Variants in KCNJ15 observed in about 807,000 individuals in gnomAD.
KCNJ15 encodes potassium inwardly rectifying channel subfamily J member 15.
A neutral mutation model predicts 23.0 loss-of-function variants in KCNJ15; 14 were observed. The observed-to-expected ratio is 0.61, with a 90% CI of 0.40 to 0.95. The LOEUF is 0.95. KCNJ15 is among the 40% of genes least tolerant of loss of function. KCNJ15 has a pLI of 0.00. For missense variants in KCNJ15, 388 were observed against 461.8 expected, an observed-to-expected ratio of 0.84 and a Z score of 1.46; for synonymous variants, 185 against 183.2, an observed-to-expected ratio of 1.01 and a Z score of -0.08.
chr21:38,298,886 A>G (rs946517147), intron 2 of KCNJ15, among the ~76,000 whole-genome samples: 5 of 152,222 alleles, frequency 3.3e-5, no homozygotes, highest in Admixed American at 6.5e-5. Flanking sequence ...TTTGAAACAC[A>G]AGGCTCTGTT....
intron 1 of KCNJ15, among the ~76,000 whole-genome samples, chr21:38,245,767 A>T (rs1208491987): frequency 6.6e-6 from 1 of 152,204 alleles, no homozygotes; most frequent in Non-Finnish European, 1.5e-5. Flanking sequence ...AGGTGTTTAC[A>T]GCTGGAAATC....
intron 1 of KCNJ15, among the ~76,000 whole-genome samples, chr21:38,257,878 C>T (rs979332419): frequency 6.6e-6 from 1 of 152,140 alleles, no homozygotes; most frequent in East Asian, 1.9e-4. Flanking sequence ...TCTGTACTTC[C>T]GCATTTAGTC....
At chr21:38,261,426 T>C (rs575831674) in intron 1 of KCNJ15, among the ~76,000 whole-genome samples, 1 of 152,228 alleles carries the variant, frequency 6.6e-6, no homozygotes, top group African/African-American at 2.4e-5. Context: ...AAAGCCCTGA[T>C]ACTTGTCTCT....
intron 1 of KCNJ15, among the ~76,000 whole-genome samples, chr21:38,251,434 A>G (rs1452945255): frequency 6.6e-6 from 1 of 152,220 alleles, no homozygotes; most frequent in African/African-American, 2.4e-5. Flanking sequence ...TTCTGAAGCC[A>G]TGCTGCTGAT....
rs1362865584 is a variant in KCNJ15 at position 38,257,029 on chromosome 21, T to TG, written c.-273_-272insG. ...AATTCTTACTCAAACTTGTACCAAC[T>TG]TGTTTTTGACTGACAGTGAACAGTG... On this transcript the variant is annotated 5_prime_UTR_variant, in exon 1 of 3. Transcript: ENST00000398938. The TG allele has an allele frequency of 1.3e-5, 2 of 151,114 alleles. No individual in the cohort carries two copies. Among genetic ancestry groups the TG allele is most frequent in the Non-Finnish European group, 2.9e-5 (2 of 67,824 alleles). 9.4% of individuals were successfully genotyped at this position (151,114 alleles called of 1,614,324 possible).
intron 1 of KCNJ15, among the ~76,000 whole-genome samples, chr21:38,271,921 C>T (rs745773707): frequency 1.3e-5 from 2 of 152,172 alleles, no homozygotes; most frequent in African/African-American, 2.4e-5. Context: ...ATTTCTCCAC[C>T]GTTAGAGGCT....
At chr21:38,293,373 C>G (rs1214144556) in intron 1 of KCNJ15, among the ~76,000 whole-genome samples, 1 of 152,134 alleles carries the variant, frequency 6.6e-6, no homozygotes. Flanking sequence ...AGGGCCACAC[C>G]TGACACAAGG....
At chr21:38,276,289 G>A (rs1009893366) in intron 1 of KCNJ15, among the ~76,000 whole-genome samples, 2 of 152,104 alleles carry the variant, frequency 1.3e-5, no homozygotes, top group Non-Finnish European at 2.9e-5. Flanking sequence ...AATGAATGAT[G>A]TTTTGGTAAT....
chr21:38,289,552 G>A (rs1984360717), intron 1 of KCNJ15, among the ~76,000 whole-genome samples: 1 of 151,980 alleles, frequency 6.6e-6, no homozygotes, highest in African/African-American at 2.4e-5. Context: ...GGCCAACATG[G>A]TGAAACCCCA....
chr21:38,264,484 T>G (rs570687804), intron 1 of KCNJ15, among the ~76,000 whole-genome samples: 1 of 152,342 alleles, frequency 6.6e-6, no homozygotes, highest in Non-Finnish European at 1.5e-5. Context: ...ACAATGGAGA[T>G]TTTATGTAGT....
rs1457082422 is a variant in KCNJ15 at position 38,304,795 on chromosome 21, C to A, written c.*4406C>A. On this transcript the variant is annotated 3_prime_UTR_variant, in exon 3 of 3. Transcript: ENST00000398938. ...AGGTTCACGCCATTCTCTCCCTCAG[C>A]CTCCCGAGTAGCTGGGACTACAGGC... 4 of 146,874 alleles carry A rather than the reference C, an allele frequency of 2.7e-5. No individual in the cohort carries two copies. Among genetic ancestry groups the A allele is most frequent in the African/African-American group, 9.9e-5 (4 of 40,472 alleles). 9.1% of individuals were successfully genotyped at this position (146,874 alleles called of 1,614,324 possible). A position where few individuals can be genotyped will look rare whatever the true frequency, so the allele number is the denominator to read the frequency against.
In KCNJ15 at chr21:38,290,790, A is replaced by G. The variant is rs551459673; in HGVS notation, c.-116-6136A>G. Among the ~76,000 whole-genome samples the G allele has an allele frequency of 9.8e-5, 15 of 152,302 alleles. No individual in the cohort carries two copies. The South Asian group carries it at 2.9e-3, about 29-fold the overall frequency. On this transcript the variant is annotated intron_variant, in intron 1 of 2. Coordinates refer to ENST00000398938, the MANE Select transcript of KCNJ15 (RefSeq NM_170736.3). Reference sequence around the variant, plus strand: ...TGAGATGGATAACTCATCTCAACATAGAGTGTGACCACGAAGAGAGATACC... The same window carrying G: ...TGAGATGGATAACTCATCTCAACATGGAGTGTGACCACGAAGAGAGATACC...
chr21:38,298,078 G>A (rs1450220694), intron 2 of KCNJ15: 1 of 152,176 alleles, frequency 6.6e-6, no homozygotes, highest in African/African-American at 2.4e-5. Context: ...AAATACCAAT[G>A]AGGTGAAGAA....
At chr21:38,281,504 T>C (rs933573372) in intron 1 of KCNJ15, among the ~76,000 whole-genome samples, 5 of 152,210 alleles carry the variant, frequency 3.3e-5, no homozygotes, top group Admixed American at 3.3e-4. Flanking sequence ...CCTTCTATTA[T>C]AAGTGAGAAC....
intron 1 of KCNJ15, among the ~76,000 whole-genome samples, chr21:38,260,198 G>A (rs1980733231): frequency 6.6e-6 from 1 of 152,092 alleles, no homozygotes; most frequent in Non-Finnish European, 1.5e-5. Context: ...AAATGAGGGG[G>A]TAGATATTTC....
rs1290249590 is a variant in KCNJ15 at position 38,306,497 on chromosome 21, G to A, written c.*6108G>A. 2.6e-5 allele frequency: 4 copies of A among 152,190 alleles called. No homozygotes were observed. The highest frequency in any genetic ancestry group is 9.7e-5 in the African/African-American group (4 of 41,446). 9.4% of individuals were successfully genotyped at this position (152,190 alleles called of 1,614,324 possible). A position where few individuals can be genotyped will look rare whatever the true frequency, so the allele number is the denominator to read the frequency against. ...AGAGCTTCCAAGAAGGTGATTGGAG[G>A]GAAGTTCAAAGGGAAGATTTTTTTC... is the stretch of plus-strand genomic sequence containing the variant. On this transcript the variant is annotated 3_prime_UTR_variant, in exon 3 of 3. Transcript: ENST00000398938.
At chr21:38,259,022 T>C (rs9984963) in intron 1 of KCNJ15, among the ~76,000 whole-genome samples, 16,085 of 151,960 alleles carry the variant, frequency 0.11, 1,568 homozygotes, top group African/African-American at 0.26. Context: ...TGTGTGTGTG[T>C]GCGCGTGTGT....
intron 1 of KCNJ15, among the ~76,000 whole-genome samples, chr21:38,241,427 C>T (rs898750562): frequency 2.0e-5 from 3 of 152,164 alleles, no homozygotes; most frequent in East Asian, 1.9e-4. Context: ...TGTGACGGGG[C>T]CTGCTGGACA....
At chr21:38,233,485 A>G (rs1015723283) in intron 1 of KCNJ15, among the ~76,000 whole-genome samples, 3 of 152,066 alleles carry the variant, frequency 2.0e-5, no homozygotes, top group Admixed American at 2.0e-4. Flanking sequence ...TATATGTCTC[A>G]TATCACATTT....
Sources: allele counts gnomAD v4.1 joint callset (sites outside exome capture counted in the v4.1 genomes callset), GRCh38; gene constraint gnomAD v4.1.1; transcripts MANE v1.5; gene names NCBI Gene and HGNC (gene_info 2026-07-23, HGNC 2026-07-21).